Variants in TTLL6 observed in about 807,000 individuals in gnomAD.
TTLL6 encodes the protein tubulin tyrosine ligase like 6.
A neutral mutation model predicts 96.4 loss-of-function variants in TTLL6; 75 were observed. That is an observed-to-expected ratio of 0.78 (90% CI 0.65 to 0.94). The LOEUF is 0.94. Ranked by LOEUF, TTLL6 falls within the 40% of genes least tolerant of loss-of-function variation. TTLL6 has a pLI of 0.00. For synonymous variants in TTLL6, 411 were observed against 419.4 expected (o/e 0.98, Z 0.24); for missense variants, 1,030 against 1,093.0 (o/e 0.94, Z 0.81).
chr17:48,774,257 C>T (rs1449865688), intron 13 of TTLL6, among the ~76,000 whole-genome samples: 2 of 59,766 alleles, frequency 3.3e-5, no homozygotes, highest in Non-Finnish European at 3.0e-5. Context: ...TTTTTTGAGA[C>T]GGAGTCTCGC....
intron 2 of TTLL6, 119 bp downstream of exon 2, chr17:48,804,653 G>T: frequency 2.4e-6 from 2 of 829,934 alleles, no homozygotes; most frequent in Non-Finnish European, 3.9e-6. Flanking sequence ...GTGAGATGTT[G>T]ACAGTCTCAG....
At chr17:48,810,204 G>A (rs2039560590) in intron 1 of TTLL6, among the ~76,000 whole-genome samples, 1 of 151,024 alleles carries the variant, frequency 6.6e-6, no homozygotes, top group Non-Finnish European at 1.5e-5. Context: ...GCTCTTGCAT[G>A]AGAGGGCCTC....
At chr17:48,796,534 G>A (rs749218315) in intron 7 of TTLL6, among the ~76,000 whole-genome samples, 2 of 151,206 alleles carry the variant, frequency 1.3e-5, no homozygotes, top group Admixed American at 6.6e-5. Flanking sequence ...TAAGAGACTC[G>A]CTTGAACCCA....
chr17:48,811,627 A>G (rs940698508), intron 1 of TTLL6, among the ~76,000 whole-genome samples: 7 of 151,310 alleles, frequency 4.6e-5, no homozygotes, highest in African/African-American at 1.7e-4. Flanking sequence ...GTTCTGCTCT[A>G]GTATCTCTGG....
At chr17:48,799,782 A>AAGAT (rs1188662703) in intron 5 of TTLL6, 22 bp from the exon 6 acceptor site, 1 of 1,547,976 alleles carries the variant, frequency 6.5e-7, no homozygotes, top group African/African-American at 1.4e-5. Context: ...GGGAGGGAAC[A>AAGAT]AGATACATCT....
intron 6 of TTLL6, among the ~76,000 whole-genome samples, chr17:48,797,796 A>T: frequency 6.7e-6 from 1 of 149,274 alleles, no homozygotes; most frequent in African/African-American, 2.5e-5. Flanking sequence ...TCAAAAAAAA[A>T]AAAAAAAAAA....
intron 15 of TTLL6, among the ~76,000 whole-genome samples, chr17:48,768,424 C>T (rs2038659862): frequency 6.6e-6 from 1 of 152,170 alleles, no homozygotes; most frequent in Admixed American, 6.5e-5. Context: ...GCGGGTGCCA[C>T]CATGCCCAGC....
At chr17:48,789,705 C>T (rs1346917903) in intron 10 of TTLL6, among the ~76,000 whole-genome samples, 4 of 152,108 alleles carry the variant, frequency 2.6e-5, no homozygotes, top group Middle Eastern at 3.2e-3. Context: ...TAAGCATGCG[C>T]CACCATACCC....
rs149382028 is a variant in TTLL6, at chr17:48,786,595, A to G, written c.1590-260T>C. On this transcript the variant is annotated intron_variant, in intron 11 of 15. Transcript: ENST00000393382. ...CAGTAAGGGGGCTATTCCCTAGTCC[A>G]TCACAGCCCTATTTGTTCCCCACTT... is the stretch of plus-strand genomic sequence containing the variant. Among the ~76,000 whole-genome samples the G allele has an allele frequency of 1.3e-3, 193 of 152,316 alleles. 1 individual carries two copies. Among genetic ancestry groups the G allele is most frequent in the Non-Finnish European group, 1.9e-3 (130 of 68,030 alleles).
chr17:48,774,021 G>C (rs2038805854), intron 13 of TTLL6, among the ~76,000 whole-genome samples: 1 of 140,242 alleles, frequency 7.1e-6, no homozygotes, highest in Non-Finnish European at 1.5e-5. Context: ...AGCGGAGGTT[G>C]CAGTGAGATG....
At position 48,787,810 on chromosome 17, in the gene TTLL6, C is replaced by G. The variant is rs894102722; in HGVS notation, c.1589+1G>C. 6.2e-7 allele frequency: 1 copy of G among 1,613,004 alleles called. No homozygotes were observed. Among genetic ancestry groups the G allele is most frequent in the Non-Finnish European group, 8.5e-7 (1 of 1,179,324 alleles). ...CGACCTCATCCCGGATGTCTTCCTA[C>G]CGGGCATACTCCTCCCGAGCCCTGG... On this transcript the variant is annotated splice_donor_variant, in intron 11 of 15. Coordinates refer to ENST00000393382, the MANE Select transcript of TTLL6 (RefSeq NM_001130918.3). LOFTEE classifies it high-confidence loss of function.
chr17:48,789,933 C>A lies in TTLL6; in HGVS notation c.1398G>T (p.Met466Ile). ...QFLQQCCSRE[M>I]RIEEAKGFRA... ...AAGGCTGGGGAGTGCGAATGTACCT[C>A]ATCTCCCGAGAACAACACTGCTGCA... Residue 466 changes from methionine to isoleucine, a missense_variant and splice_region_variant, in exon 10 of 16, where the codon ATG becomes ATT. Met to Ile is a conservative substitution (Grantham distance 10). Coordinates refer to ENST00000393382, the MANE Select transcript of TTLL6 (RefSeq NM_001130918.3). 6.2e-7 allele frequency: 1 copy of A among 1,613,998 alleles called. No homozygotes were observed. Among genetic ancestry groups the A allele is most frequent in the Non-Finnish European group, 8.5e-7 (1 of 1,179,922 alleles).
intron 10 of TTLL6, among the ~76,000 whole-genome samples, chr17:48,788,885 A>T (rs2039161932): frequency 6.6e-6 from 1 of 152,190 alleles, no homozygotes; most frequent in African/African-American, 2.4e-5. Flanking sequence ...CCAGAAACTC[A>T]ACCCCAAAGG....
At chr17:48,786,497 G>A (rs117274921) in intron 11 of TTLL6, among the ~76,000 whole-genome samples, 162 bp from the exon 12 acceptor site, 2,393 of 152,348 alleles carry the variant, frequency 0.016, 31 homozygotes, top group Middle Eastern at 0.037. Flanking sequence ...TCAAGGAGCA[G>A]GGTGTGGAGG....
At chr17:48,797,836 G>T (rs2039346659) in intron 6 of TTLL6, among the ~76,000 whole-genome samples, 1 of 147,650 alleles carries the variant, frequency 6.8e-6, no homozygotes, top group Non-Finnish European at 1.5e-5. Context: ...AGGTGCAGTG[G>T]TTTATGTCTA....
intron 3 of TTLL6, among the ~76,000 whole-genome samples, chr17:48,803,609 T>C (rs1567734560): frequency 6.6e-6 from 1 of 152,240 alleles, no homozygotes; most frequent in Non-Finnish European, 1.5e-5. Context: ...ACAGAGCCAC[T>C]GGCTGCAGCA....
intron 6 of TTLL6, among the ~76,000 whole-genome samples, chr17:48,798,254 TAC>T (rs142843055): frequency 0.023 from 3,467 of 152,230 alleles, 54 homozygotes; most frequent in Middle Eastern, 0.037. Flanking sequence ...ACTCTACCTC[TAC>T]AAAGAAATTT....
intron 15 of TTLL6, among the ~76,000 whole-genome samples, chr17:48,767,720 A>G (rs1387338672): frequency 6.6e-6 from 1 of 152,092 alleles, no homozygotes; most frequent in African/African-American, 2.4e-5. Context: ...AGTTCTCCGA[A>G]GTTTTTACAT....
At chr17:48,800,784 ATGT>A (rs1364906414) in intron 5 of TTLL6, among the ~76,000 whole-genome samples, 2 of 152,086 alleles carry the variant, frequency 1.3e-5, no homozygotes, top group Non-Finnish European at 1.5e-5. Flanking sequence ...CCAGGAACTG[ATGT>A]TGTTTTGAAA....
Sources: gnomAD v4.1 joint callset for allele counts (sites outside exome capture counted in the v4.1 genomes callset) on GRCh38, gnomAD v4.1.1 for gene constraint, MANE v1.5 for transcripts, NCBI Gene and HGNC (gene_info 2026-07-23, HGNC 2026-07-21) for gene names.